FER: variants seen among roughly 807,000 people sequenced by gnomAD.
FER encodes tyrosine-protein kinase Fer.
A neutral mutation model predicts 111.0 loss-of-function variants in FER; 63 were observed. The observed-to-expected ratio is 0.57, with a 90% CI of 0.46 to 0.70. The LOEUF is 0.70. FER is among the 30% of genes least tolerant of loss of function. FER has a pLI of 0.00. For missense variants in FER, 914 were observed against 954.0 expected, an observed-to-expected ratio of 0.96 and a Z score of 0.55; for synonymous variants, 327 against 313.9, an observed-to-expected ratio of 1.04 and a Z score of -0.44.
chr5:108,755,562 C>T (rs62361300), intron 1 of FER, among the ~76,000 whole-genome samples: 31,083 of 151,896 alleles, frequency 0.2, 3,852 homozygotes, highest in African/African-American at 0.35. Context: ...CTCGGCTCAC[C>T]GCAACCTCCA....
At chr5:108,871,840 A>G (rs1013268157) in intron 7 of FER, among the ~76,000 whole-genome samples, 1 of 151,958 alleles carries the variant, frequency 6.6e-6, no homozygotes, top group African/African-American at 2.4e-5. Flanking sequence ...ATACTTTTCC[A>G]TGGCATCTTA....
chr5:108,921,836 G>C (rs901557286), intron 10 of FER, among the ~76,000 whole-genome samples: 4 of 152,164 alleles, frequency 2.6e-5, no homozygotes, highest in African/African-American at 9.7e-5. Flanking sequence ...AGTATAAAGA[G>C]AGTGCCCCAG....
intron 2 of FER, chr5:108,784,627 C>G (rs1416210203): frequency 6.6e-6 from 1 of 152,186 alleles, no homozygotes; most frequent in Non-Finnish European, 1.5e-5. Context: ...CTGAGAGCCC[C>G]AAACAGAGAT....
At chr5:108,947,017 G>T (rs555116102) in intron 11 of FER, among the ~76,000 whole-genome samples, 1 of 152,070 alleles carries the variant, frequency 6.6e-6, no homozygotes, top group Non-Finnish European at 1.5e-5. Context: ...CATACAATGT[G>T]ACAGTACTTC....
chr5:109,043,427 C>A (rs1005160569), intron 14 of FER, among the ~76,000 whole-genome samples: 1 of 151,908 alleles, frequency 6.6e-6, no homozygotes, highest in Non-Finnish European at 1.5e-5. Flanking sequence ...CATGATTGAT[C>A]ATTGTTTTAT....
chr5:109,044,727 T>C lies in FER; in HGVS notation c.1761T>C (p.Ser587=), dbSNP rs1345973943. 6.3e-7 allele frequency: 1 copy of C among 1,590,620 alleles called. No homozygotes were observed. Among genetic ancestry groups the C allele is most frequent in the East Asian group, 2.3e-5 (1 of 44,154 alleles). The part of the protein sequence containing the change: ...VYKGTLKDKT[S]VAVKTCKEDL... ...AGGGCACATTAAAGGATAAAACTTC[T>C]GTTGCTGTTAAAACATGTAAAGAAG... The change falls in exon 15 of 20, where the codon TCT becomes TCC. Residue 587 remains serine, a synonymous_variant. Transcript: ENST00000281092.
chr5:109,127,493 T>C (rs1475261948), intron 17 of FER, among the ~76,000 whole-genome samples: 1 of 152,142 alleles, frequency 6.6e-6, no homozygotes, highest in Non-Finnish European at 1.5e-5. Flanking sequence ...AATCTCCACC[T>C]CCCAGGTTCA....
intron 10 of FER, among the ~76,000 whole-genome samples, chr5:108,942,448 C>A (rs1442275852): frequency 1.3e-5 from 2 of 151,982 alleles, no homozygotes; most frequent in East Asian, 3.9e-4. Context: ...GGTTTTCTTT[C>A]TTTTAATAAA....
intron 13 of FER, among the ~76,000 whole-genome samples, chr5:108,997,303 A>G (rs1013305853): frequency 1.1e-4 from 16 of 150,846 alleles, no homozygotes; most frequent in African/African-American, 3.9e-4. Flanking sequence ...CTGTAGTCCC[A>G]GCTACTCGGG....
At chr5:108,793,191 C>G (rs1056153452) in intron 2 of FER, among the ~76,000 whole-genome samples, 2 of 152,198 alleles carry the variant, frequency 1.3e-5, no homozygotes, top group South Asian at 2.1e-4. Flanking sequence ...CCTGTTGTAA[C>G]CATCCTTCTA....
At chr5:109,092,716 A>T (rs1746980725) in intron 16 of FER, among the ~76,000 whole-genome samples, 1 of 152,216 alleles carries the variant, frequency 6.6e-6, no homozygotes, top group African/African-American at 2.4e-5. Context: ...TCAAAAAATT[A>T]AAACTGGAAC....
chr5:108,756,294 A>G (rs1220178111), intron 1 of FER, among the ~76,000 whole-genome samples: 2 of 151,986 alleles, frequency 1.3e-5, no homozygotes, highest in South Asian at 4.1e-4. Flanking sequence ...CATTACTTAA[A>G]TTTTCACTAA....
intron 17 of FER, among the ~76,000 whole-genome samples, chr5:109,116,464 T>C (rs1750259561): frequency 1.3e-5 from 2 of 151,708 alleles, no homozygotes; most frequent in Admixed American, 6.6e-5. Flanking sequence ...ACAGTGTCAA[T>C]GTATTGCTTC....
intron 17 of FER, among the ~76,000 whole-genome samples, chr5:109,158,950 T>C (rs1755700994): frequency 6.6e-6 from 1 of 152,174 alleles, no homozygotes; most frequent in Non-Finnish European, 1.5e-5. Context: ...AAAATAATTT[T>C]AAATTCAGTC....
chr5:108,934,200 A>G (rs995012872), intron 10 of FER, among the ~76,000 whole-genome samples: 3 of 152,020 alleles, frequency 2.0e-5, no homozygotes, highest in African/African-American at 4.8e-5. Flanking sequence ...AATCTAGGCA[A>G]CCTGGCTTAC....
chr5:108,983,892 A>G (rs768846746), intron 13 of FER, among the ~76,000 whole-genome samples: 4 of 152,116 alleles, frequency 2.6e-5, no homozygotes, highest in Non-Finnish European at 4.4e-5. Context: ...ACTTGTGCTC[A>G]CGCTTTCATT....
At chr5:108,835,136 ATTT>A (rs967374657) in intron 4 of FER, among the ~76,000 whole-genome samples, 3 of 129,420 alleles carry the variant, frequency 2.3e-5, no homozygotes, top group Non-Finnish European at 3.2e-5. Flanking sequence ...TACTAAGTTA[ATTT>A]TTTTAAATTT....
chr5:109,008,473 A>G (rs761347006), intron 13 of FER, among the ~76,000 whole-genome samples: 8 of 151,998 alleles, frequency 5.3e-5, no homozygotes, highest in Non-Finnish European at 1.2e-4. Flanking sequence ...ACCAGCAGTT[A>G]TTTTCACCTG....
intron 5 of FER, among the ~76,000 whole-genome samples, chr5:108,845,354 T>C (rs527998053): frequency 6.6e-6 from 1 of 151,404 alleles, no homozygotes; most frequent in African/African-American, 2.4e-5. Flanking sequence ...TGTGTATATA[T>C]ATTTTTCCAG....
Sources: gnomAD v4.1 joint callset for allele counts (sites outside exome capture counted in the v4.1 genomes callset) on GRCh38, gnomAD v4.1.1 for gene constraint, MANE v1.5 for transcripts, NCBI Gene and HGNC (gene_info 2026-07-23, HGNC 2026-07-21) for gene names.